Variants in ERBB4 observed in about 807,000 individuals in gnomAD.
The protein encoded by ERBB4 is erb-b2 receptor tyrosine kinase 4.
ERBB4 carries 42 observed loss-of-function variants against 158.0 expected under a neutral mutation model. The ratio of observed to expected loss-of-function variants is 0.27; its 90% CI spans 0.21 to 0.34. The LOEUF is 0.34. Among genes scored for constraint, ERBB4 ranks in the 10% least tolerant of loss-of-function variants. The pLI is 1.00. For synonymous variants in ERBB4, 583 were observed against 558.7 expected (o/e 1.04, Z -0.61); for missense variants, 1,333 against 1,624.1 (o/e 0.82, Z 3.08).
intron 16 of ERBB4, among the ~76,000 whole-genome samples, chr2:211,647,476 T>C (rs1042168226): frequency 3.3e-5 from 5 of 151,508 alleles, no homozygotes; most frequent in Admixed American, 6.6e-5. Flanking sequence ...ATTCAACACA[T>C]CCGAAACTAA....
rs2125404137 is a variant in ERBB4 at position 211,420,627 on chromosome 2, C to A, written c.2965-16G>T. The A allele has an allele frequency of 6.2e-7, 1 of 1,603,618 alleles. No individual in the cohort carries two copies. The highest frequency in any genetic ancestry group is 1.4e-5 in the African/African-American group (1 of 74,058). On this transcript the variant is annotated splice_polypyrimidine_tract_variant and intron_variant, in intron 24 of 27. Transcript: ENST00000342788. Reference sequence around the variant, plus strand: ...GATCATCACCCTAAAAGAAAGATTGCCCATCAGACACAAATATGATTCTTT... The same window carrying A: ...GATCATCACCCTAAAAGAAAGATTGACCATCAGACACAAATATGATTCTTT...
At chr2:211,839,475 G>T (rs1465409249) in intron 3 of ERBB4, among the ~76,000 whole-genome samples, 1 of 151,972 alleles carries the variant, frequency 6.6e-6, no homozygotes, top group Admixed American at 6.6e-5. Flanking sequence ...ATTCTGACTG[G>T]TCCCCAAAAC....
chr2:212,429,282 C>T (rs895051115), intron 1 of ERBB4: 5 of 152,152 alleles, frequency 3.3e-5, no homozygotes, highest in Non-Finnish European at 7.3e-5. Flanking sequence ...CTCTCTGATT[C>T]CCTGCTGGGG....
chr2:212,384,918 T>TACAC (rs1425152383), intron 1 of ERBB4, among the ~76,000 whole-genome samples: 35 of 133,772 alleles, frequency 2.6e-4, no homozygotes, highest in African/African-American at 9.9e-4. Context: ...TATATATATA[T>TACAC]ATACACACAC....
At position 212,152,416 on chromosome 2, in the gene ERBB4, T is replaced by C. The variant is rs145121403; in HGVS notation, c.83-27513A>G. Among the ~76,000 whole-genome samples the C allele has an allele frequency of 2.7e-3, 409 of 152,292 alleles. 1 individual carries two copies. Among genetic ancestry groups the C allele is most frequent in the Middle Eastern group, 0.01 (3 of 294 alleles). ...GCTGTCAATAATCAGGTTTGCAGAA[T>C]GTATTATTTTCTGCTGCCCTCATTT... is the stretch of plus-strand genomic sequence containing the variant. On this transcript the variant is annotated intron_variant, in intron 1 of 27. Coordinates refer to ENST00000342788, the MANE Select transcript of ERBB4 (RefSeq NM_005235.3).
chr2:212,146,774 C>T (rs116939955), intron 1 of ERBB4, among the ~76,000 whole-genome samples: 2 of 152,198 alleles, frequency 1.3e-5, no homozygotes, highest in East Asian at 3.9e-4. Flanking sequence ...CTGTGCACAT[C>T]TTTAGATTTA....
At chr2:211,499,821 G>A (rs1392809028) in intron 20 of ERBB4, among the ~76,000 whole-genome samples, 1 of 151,964 alleles carries the variant, frequency 6.6e-6, no homozygotes, top group East Asian at 1.9e-4. Context: ...CCAAGGTGGT[G>A]CAGTTATAAA....
At chr2:211,418,467 G>A (rs1209223472) in intron 25 of ERBB4, among the ~76,000 whole-genome samples, 1 of 152,088 alleles carries the variant, frequency 6.6e-6, no homozygotes, top group Non-Finnish European at 1.5e-5. Context: ...AGGTAACATT[G>A]TTTTATAATG....
intron 4 of ERBB4, among the ~76,000 whole-genome samples, chr2:211,784,822 T>C (rs1264906836): frequency 6.6e-6 from 1 of 152,188 alleles, no homozygotes; most frequent in Admixed American, 6.5e-5. Context: ...ATTGTGGTTT[T>C]GATATGATTT....
At chr2:212,214,952 C>G (rs529381546) in intron 1 of ERBB4, among the ~76,000 whole-genome samples, 1 of 151,572 alleles carries the variant, frequency 6.6e-6, no homozygotes, top group Non-Finnish European at 1.5e-5. Flanking sequence ...TACTTAATCT[C>G]ATGAACATAA....
rs954127174 is a variant in ERBB4 at position 211,517,789 on chromosome 2, G to T, written c.2487+44114C>A. On this transcript the variant is annotated intron_variant, in intron 20 of 27. Transcript: ENST00000342788. ...ACTTCTGAAATCCAGAAAATTAATT[G>T]CCATTTCCACCAAGGTAAATAATGA... is the stretch of plus-strand genomic sequence containing the variant. Among the ~76,000 whole-genome samples the T allele has an allele frequency of 2.6e-5, 4 of 152,080 alleles. No individual in the cohort carries two copies. In the East Asian group the frequency reaches 5.8e-4, roughly 22 times the overall value.
chr2:211,410,021 A>G (rs1396569897), intron 25 of ERBB4, among the ~76,000 whole-genome samples: 1 of 152,184 alleles, frequency 6.6e-6, no homozygotes, highest in Admixed American at 6.5e-5. Flanking sequence ...AAGGCCAAGG[A>G]CAAACCACAC....
chr2:211,617,872 A>G (rs986861691), intron 19 of ERBB4, among the ~76,000 whole-genome samples: 1 of 152,054 alleles, frequency 6.6e-6, no homozygotes, highest in Non-Finnish European at 1.5e-5. Context: ...TACTCAAGAC[A>G]TTATGCTAAA....
At chr2:211,702,234 T>C in intron 11 of ERBB4, 68 bp from the exon 12 acceptor site, 1 of 1,158,816 alleles carries the variant, frequency 8.6e-7, no homozygotes, top group South Asian at 1.2e-5. Flanking sequence ...GCTGTCACAT[T>C]TTATTTTAAA....
intron 1 of ERBB4, among the ~76,000 whole-genome samples, chr2:212,372,565 T>C (rs2090125860): frequency 6.6e-6 from 1 of 151,880 alleles, no homozygotes; most frequent in African/African-American, 2.4e-5. Flanking sequence ...CTGGCCAACA[T>C]GATAAAACCC....
chr2:212,186,615 C>T lies in ERBB4; in HGVS notation c.83-61712G>A, dbSNP rs927495420. Among the ~76,000 whole-genome samples, 3 of 152,058 alleles carry T rather than the reference C, an allele frequency of 2.0e-5. No individual in the cohort carries two copies. In the East Asian group the frequency reaches 5.8e-4, roughly 29 times the overall value. On this transcript the variant is annotated intron_variant, in intron 1 of 27. Coordinates refer to ENST00000342788, the MANE Select transcript of ERBB4 (RefSeq NM_005235.3). ...AAGACTGTCAAACTATGTTCCTGTTCCTAAACGTCTTCAATAAGTCTTCTT... is the reference window on the plus strand; with the variant it reads ...AAGACTGTCAAACTATGTTCCTGTTTCTAAACGTCTTCAATAAGTCTTCTT...
intron 2 of ERBB4, among the ~76,000 whole-genome samples, chr2:212,034,165 A>G (rs2076963311): frequency 6.6e-6 from 1 of 151,900 alleles, no homozygotes; most frequent in Non-Finnish European, 1.5e-5. Flanking sequence ...CCTTTGTGTC[A>G]GCTTACTAAT....
chr2:211,986,565 T>A lies in ERBB4; in HGVS notation c.235-38949A>T, dbSNP rs571658898. ...AAATTGATTTCCTTTCACATTCAAG[T>A]TAAATAATTTTAATTTCACACTTGA... On this transcript the variant is annotated intron_variant, in intron 2 of 27. Coordinates refer to ENST00000342788, the MANE Select transcript of ERBB4 (RefSeq NM_005235.3). Among the ~76,000 whole-genome samples the A allele has an allele frequency of 2.6e-5, 4 of 152,316 alleles. 1 individual carries two copies. The South Asian group carries it at 8.3e-4, about 32-fold the overall frequency.
chr2:211,856,064 C>T (rs1385860327), intron 3 of ERBB4, among the ~76,000 whole-genome samples: 1 of 152,186 alleles, frequency 6.6e-6, no homozygotes, highest in African/African-American at 2.4e-5. Flanking sequence ...TTAACCACTA[C>T]ACAGTGTACC....
Sources: allele counts gnomAD v4.1 joint callset (sites outside exome capture counted in the v4.1 genomes callset), GRCh38; gene constraint gnomAD v4.1.1; transcripts MANE v1.5; gene names NCBI Gene and HGNC (gene_info 2026-07-23, HGNC 2026-07-21).